Variants in TENM4 observed in about 807,000 individuals in gnomAD.
TENM4 encodes the protein teneurin transmembrane protein 4, also known as teneurin-4.
TENM4 carries 82 observed loss-of-function variants against 243.3 expected under a neutral mutation model. That is an observed-to-expected ratio of 0.34 (90% CI 0.28 to 0.40). The LOEUF (loss-of-function observed/expected upper bound fraction) is 0.40. Among genes scored for constraint, TENM4 ranks in the 10% least tolerant of loss-of-function variants. The pLI is 1.00. For missense variants in TENM4, 3,138 were observed against 3,673.3 expected (o/e 0.85, Z 3.77); for synonymous variants, 1,412 against 1,456.3 (o/e 0.97, Z 0.69).
At chr11:79,374,531 T>G (rs1392350372) in intron 1 of TENM4, among the ~76,000 whole-genome samples, 1 of 149,214 alleles carries the variant, frequency 6.7e-6, no homozygotes, top group African/African-American at 2.5e-5. Flanking sequence ...TTTCCAACTA[T>G]ATATATCTAT....
chr11:79,169,261 C>G (rs566484801), intron 3 of TENM4, among the ~76,000 whole-genome samples: 1 of 152,208 alleles, frequency 6.6e-6, no homozygotes, highest in Non-Finnish European at 1.5e-5. Flanking sequence ...GTTTGTTACA[C>G]AGCAATAGAT....
At chr11:79,309,914 T>C (rs1193382926) in intron 1 of TENM4, among the ~76,000 whole-genome samples, 1 of 152,180 alleles carries the variant, frequency 6.6e-6, no homozygotes, top group African/African-American at 2.4e-5. Flanking sequence ...TCTCTGGCCA[T>C]GTCAGACTTG....
At chr11:79,278,802 C>T (rs1036955856) in intron 2 of TENM4, among the ~76,000 whole-genome samples, 1 of 152,042 alleles carries the variant, frequency 6.6e-6, no homozygotes, top group East Asian at 1.9e-4. Context: ...TACATGTGCA[C>T]GAGGGACAGA....
At chr11:78,766,756 G>A (rs919065030) in intron 18 of TENM4, among the ~76,000 whole-genome samples, 5 of 147,976 alleles carry the variant, frequency 3.4e-5, no homozygotes, top group Admixed American at 3.4e-4. Context: ...TGGCTGGAGC[G>A]CAGAGGCACA....
At chr11:78,931,668 G>C (rs1057101044) in intron 6 of TENM4, among the ~76,000 whole-genome samples, 1 of 152,190 alleles carries the variant, frequency 6.6e-6, no homozygotes, top group Non-Finnish European at 1.5e-5. Flanking sequence ...GGCTGTCCTA[G>C]GCTCACTAAG....
At chr11:79,005,046 C>T (rs2136721406) in intron 6 of TENM4, among the ~76,000 whole-genome samples, 1 of 151,786 alleles carries the variant, frequency 6.6e-6, no homozygotes. Flanking sequence ...CATACAATGT[C>T]CCCAGATTGA....
At chr11:79,398,989 A>G (rs1486474420) in intron 1 of TENM4, among the ~76,000 whole-genome samples, 1 of 152,112 alleles carries the variant, frequency 6.6e-6, no homozygotes, top group Non-Finnish European at 1.5e-5. Flanking sequence ...CAGAGGCCTG[A>G]GCAGGATGGT....
intron 25 of TENM4, among the ~76,000 whole-genome samples, chr11:78,715,425 A>C (rs990425939): frequency 6.6e-6 from 1 of 152,130 alleles, no homozygotes; most frequent in African/African-American, 2.4e-5. Context: ...GGCCCTGTCC[A>C]CTTAGATTAG....
rs142380485 is a variant in TENM4, at chr11:79,109,262, C to T, written c.-65-39253G>A. Among the ~76,000 whole-genome samples the T allele has an allele frequency of 3.7e-3, 563 of 152,224 alleles. 1 individual carries two copies. Among genetic ancestry groups the T allele is most frequent in the African/African-American group, 0.013 (549 of 41,522 alleles). ...TTTTTAAAATATGATTAATATAGCT[C>T]ACCAATAAATCTAGCCAAGTACAAG... On this transcript the variant is annotated intron_variant, in intron 4 of 33. Coordinates refer to ENST00000278550, the MANE Select transcript of TENM4 (RefSeq NM_001098816.3).
At chr11:79,095,780 T>C (rs1428326098) in intron 4 of TENM4, among the ~76,000 whole-genome samples, 1 of 152,258 alleles carries the variant, frequency 6.6e-6, no homozygotes, top group Non-Finnish European at 1.5e-5. Flanking sequence ...TCATCAGTAT[T>C]TCTTTCAGTA....
At chr11:79,211,545 C>A (rs923200204) in intron 3 of TENM4, among the ~76,000 whole-genome samples, 1 of 152,116 alleles carries the variant, frequency 6.6e-6, no homozygotes, top group Non-Finnish European at 1.5e-5. Context: ...GTGGAGTTTT[C>A]GAGGTTGAAT....
chr11:79,060,926 C>T (rs11237704), intron 6 of TENM4, among the ~76,000 whole-genome samples: 4,351 of 152,192 alleles, frequency 0.029, 65 homozygotes, highest in Non-Finnish European at 0.031. Flanking sequence ...TGGTGAGATC[C>T]GAGTTCTCAT....
chr11:79,220,282 C>T (rs1864132584), intron 2 of TENM4, among the ~76,000 whole-genome samples: 1 of 152,198 alleles, frequency 6.6e-6, no homozygotes, highest in Admixed American at 6.5e-5. Flanking sequence ...TCATTCTAAA[C>T]ATGGGACACA....
At chr11:79,359,873 C>T (rs1857562072) in intron 1 of TENM4, among the ~76,000 whole-genome samples, 2 of 152,074 alleles carry the variant, frequency 1.3e-5, no homozygotes, top group Non-Finnish European at 2.9e-5. Context: ...TGCTCAGGAC[C>T]CGAAGCAGAG....
At chr11:79,105,034 A>T (rs1458154099) in intron 4 of TENM4, among the ~76,000 whole-genome samples, 1 of 152,226 alleles carries the variant, frequency 6.6e-6, no homozygotes, top group Non-Finnish European at 1.5e-5. Flanking sequence ...ACATTCATGC[A>T]TGTGCCAGAA....
In TENM4 at chr11:79,081,785, A is replaced by C. The variant is rs563824723; in HGVS notation, c.-65-11776T>G. Among the ~76,000 whole-genome samples, 16 of 152,176 alleles carry C rather than the reference A, an allele frequency of 1.1e-4. No individual in the cohort carries two copies. In the East Asian group the frequency reaches 3.1e-3, roughly 29 times the overall value. On this transcript the variant is annotated intron_variant, in intron 4 of 33. Transcript: ENST00000278550. ...GGGGCAGGGCGGGCCTAGAGGAAGA[A>C]AATTTCTGTTTTTATCCCCCCAGCC... is the stretch of plus-strand genomic sequence containing the variant.
chr11:78,832,602 T>TA (rs1206542719), intron 12 of TENM4, among the ~76,000 whole-genome samples: 2 of 152,258 alleles, frequency 1.3e-5, no homozygotes, highest in Non-Finnish European at 2.9e-5. Flanking sequence ...GAATTTGGAA[T>TA]AAAAATAATA....
At chr11:79,286,110 A>G (rs1473232747) in intron 2 of TENM4, among the ~76,000 whole-genome samples, 1 of 152,230 alleles carries the variant, frequency 6.6e-6, no homozygotes, top group Non-Finnish European at 1.5e-5. Context: ...GAAAAAATGG[A>G]AACAGCTGAT....
intron 1 of TENM4, among the ~76,000 whole-genome samples, chr11:79,324,479 C>A (rs1353232818): frequency 6.6e-6 from 1 of 152,142 alleles, no homozygotes; most frequent in African/African-American, 2.4e-5. Context: ...CCTGCCTTGG[C>A]TGCACAAAAT....
Sources: allele counts gnomAD v4.1 joint callset (sites outside exome capture counted in the v4.1 genomes callset), GRCh38; gene constraint gnomAD v4.1.1; transcripts MANE v1.5; gene names NCBI Gene and HGNC (gene_info 2026-07-23, HGNC 2026-07-21).